The following TACC2 variants were observed in gnomAD, a reference collection of about 807,000 sequenced individuals.
The protein encoded by TACC2 is transforming acidic coiled-coil containing protein 2.
In TACC2, 137 loss-of-function variants were observed where a neutral mutation model predicts 227.3. The observed-to-expected ratio is 0.60, with a 90% CI of 0.52 to 0.69. The LOEUF (loss-of-function observed/expected upper bound fraction) is 0.69, where lower values mean the gene tolerates loss of function less well. Among genes scored for constraint, TACC2 ranks in the 30% least tolerant of loss-of-function variants. The pLI is 0.00. For missense variants in TACC2, 3,470 were observed against 3,694.4 expected, an observed-to-expected ratio of 0.94 and a Z score of 1.57; for synonymous variants, 1,523 against 1,487.5, an observed-to-expected ratio of 1.02 and a Z score of -0.55.
chr10:122,207,355 G>C (rs1009203929), intron 8 of TACC2, among the ~76,000 whole-genome samples: 1 of 152,072 alleles, frequency 6.6e-6, no homozygotes, highest in African/African-American at 2.4e-5. Context: ...TGGACCACAG[G>C]AGCCCTTCTA....
intron 9 of TACC2, 66 bp downstream of exon 9, chr10:122,211,774 C>A: frequency 7.1e-7 from 1 of 1,408,654 alleles, no homozygotes; most frequent in South Asian, 1.4e-5. Context: ...GACCCTTGGT[C>A]ATGTGCCTGG....
rs752721984 is a variant in TACC2 at position 122,121,511 on chromosome 10, AGGG to A, written c.5574-11095_5574-11093del. 2.0e-5 allele frequency among the ~76,000 whole-genome samples: 3 copies of A among 152,138 alleles called. No individual in the cohort carries two copies. In the East Asian group the frequency reaches 5.8e-4, roughly 29 times the overall value. Reference sequence around the variant, plus strand: ...ATCACCTGCCCTATCCTACCTCTCCAGGGGGAGGAGGAATGGCATTTTATTTCT... The same window carrying A: ...ATCACCTGCCCTATCCTACCTCTCCAGGAGGAGGAATGGCATTTTATTTCT... On this transcript the variant is annotated intron_variant, in intron 5 of 22. Transcript: ENST00000369005.
Position 122,086,854 on chromosome 10 carries a change from C to T in TACC2, c.4354C>T (p.Leu1452=), listed in dbSNP as rs1347443826. 1 of 1,613,890 alleles carries T rather than the reference C, an allele frequency of 6.2e-7. No individual in the cohort carries two copies. The highest frequency in any genetic ancestry group is 1.3e-5 in the African/African-American group (1 of 74,942). ...CAGGCCATTGGGCCCAGAGAAGCTTCTAGATGGGCCTCCAGGAGTGGATGT... is the reference window on the plus strand; with the variant it reads ...CAGGCCATTGGGCCCAGAGAAGCTTTTAGATGGGCCTCCAGGAGTGGATGT... The part of the protein sequence containing the change: ...LTRPLGPEKL[L]DGPPGVDVTL... The change falls in exon 4 of 23, where the codon CTA becomes TTA. Residue 1452 remains leucine (L), a synonymous_variant. Coordinates refer to ENST00000369005, the MANE Select transcript of TACC2 (RefSeq NM_206862.4).
At chr10:122,094,512 C>T (rs1405400215) in intron 5 of TACC2, among the ~76,000 whole-genome samples, 1 of 152,224 alleles carries the variant, frequency 6.6e-6, no homozygotes, top group South Asian at 2.1e-4. Context: ...CTCCCAGCCT[C>T]AAACAATCCT....
rs576331225 is a variant in TACC2 at position 122,041,689 on chromosome 10, C to T, written c.34-8749C>T. 4.4e-4 allele frequency among the ~76,000 whole-genome samples: 67 copies of T among 152,268 alleles called. 1 individual carries two copies. The South Asian group carries it at 0.014, about 32-fold the overall frequency. ...CTCGAACTCCTGAGTTCAGGTAACC[C>T]ACCCACCTTGGCCTCCCAAAGTGCT... On this transcript the variant is annotated intron_variant, in intron 2 of 22. Coordinates refer to ENST00000369005, the MANE Select transcript of TACC2 (RefSeq NM_206862.4).
Position 122,133,552 on chromosome 10 carries a change from C to T in TACC2, c.5699+818C>T, listed in dbSNP as rs1456997242. ...CTGTGTGTGTGTCTATGAATACACG[C>T]GTGCACACATTTTAATTTCTGTTTA... is the stretch of plus-strand genomic sequence containing the variant. On this transcript the variant is annotated intron_variant, in intron 6 of 22. Coordinates refer to ENST00000369005, the MANE Select transcript of TACC2 (RefSeq NM_206862.4). Among the ~76,000 whole-genome samples the T allele has an allele frequency of 9.2e-5, 14 of 152,118 alleles. 1 individual carries two copies. The highest frequency in any genetic ancestry group is 3.9e-4 in the East Asian group (2 of 5,172).
intron 5 of TACC2, among the ~76,000 whole-genome samples, chr10:122,098,039 T>G (rs2420991): frequency 0.15 from 23,505 of 151,732 alleles, 1,908 homozygotes; most frequent in Non-Finnish European, 0.16. Flanking sequence ...AATGGTTAGG[T>G]GGGTAGGTAG....
At chr10:122,129,723 C>G (rs188312793) in intron 5 of TACC2, among the ~76,000 whole-genome samples, 60 of 152,286 alleles carry the variant, frequency 3.9e-4, no homozygotes, top group Non-Finnish European at 7.1e-4. Context: ...CTGCCATCCT[C>G]CCTCTTCTGG....
At chr10:122,200,310 A>T (rs565249036) in intron 8 of TACC2, among the ~76,000 whole-genome samples, 1 of 152,200 alleles carries the variant, frequency 6.6e-6, no homozygotes, top group Non-Finnish European at 1.5e-5. Context: ...GACGATGGAG[A>T]GTTTGGGGCC....
chr10:122,057,695 C>T (rs1801097496), intron 3 of TACC2, among the ~76,000 whole-genome samples: 3 of 151,914 alleles, frequency 2.0e-5, no homozygotes. Flanking sequence ...TGGTGGGCAC[C>T]TGTAATCCCA....
chr10:122,108,081 T>TG (rs2083094914), intron 5 of TACC2, among the ~76,000 whole-genome samples: 1 of 150,948 alleles, frequency 6.6e-6, no homozygotes, highest in African/African-American at 2.4e-5. Flanking sequence ...TTAGTAGAGA[T>TG]GGGGTTTCAC....
At chr10:122,045,476 C>T (rs545521945) in intron 2 of TACC2, among the ~76,000 whole-genome samples, 2 of 152,184 alleles carry the variant, frequency 1.3e-5, no homozygotes, top group Non-Finnish European at 2.9e-5. Flanking sequence ...GCTATAACAT[C>T]GGGCTCTAAG....
At chr10:122,249,222 G>A (rs1201454287) in intron 21 of TACC2, 66 bp downstream of exon 21, 5 of 1,237,948 alleles carry the variant, frequency 4.0e-6, no homozygotes, top group Non-Finnish European at 5.8e-6. Context: ...CAGGCAGGCT[G>A]GGACCTCTGG....
intron 3 of TACC2, among the ~76,000 whole-genome samples, chr10:122,074,781 A>G (rs2078577934): frequency 6.6e-6 from 1 of 152,204 alleles, no homozygotes; most frequent in Admixed American, 6.5e-5. Context: ...GCAGAAGCTT[A>G]TCTGTGTCAC....
intron 3 of TACC2, among the ~76,000 whole-genome samples, chr10:122,057,531 G>A (rs921954488): frequency 7.2e-5 from 11 of 152,024 alleles, no homozygotes; most frequent in Non-Finnish European, 1.0e-4. Flanking sequence ...GGCCGGGCAC[G>A]GTGGCTCACG....
intron 1 of TACC2, among the ~76,000 whole-genome samples, chr10:122,021,534 A>G (rs763956914): frequency 6.6e-6 from 1 of 152,234 alleles, no homozygotes; most frequent in Non-Finnish European, 1.5e-5. Flanking sequence ...GTGGGAAACC[A>G]GCCACACTCT....
In TACC2 at chr10:122,084,505, G is replaced by A. The variant is rs867958572; in HGVS notation, c.2005G>A (p.Val669Ile). The change falls in exon 4 of 23, where the codon GTC becomes ATC. Residue 669 changes from valine (V) to isoleucine (I), a missense_variant. Val to Ile is a conservative substitution (Grantham distance 29). Coordinates refer to ENST00000369005, the MANE Select transcript of TACC2 (RefSeq NM_206862.4). ...LPHKLGEEDP[V>I]LPPVPDGAGE... ...ACACAAGCTGGGTGAGGAGGACCCC[G>A]TCCTGCCCCCTGTGCCAGATGGAGC... 4.3e-6 allele frequency: 7 copies of A among 1,613,456 alleles called. 1 individual carries two copies. Among genetic ancestry groups the A allele is most frequent in the South Asian group, 3.3e-5 (3 of 91,070 alleles).
chr10:122,046,067 C>T lies in TACC2; in HGVS notation c.34-4371C>T, dbSNP rs556427551. Among the ~76,000 whole-genome samples, 13 of 152,010 alleles carry T rather than the reference C, an allele frequency of 8.6e-5. No homozygotes were observed. The East Asian group carries it at 1.4e-3, about 16-fold the overall frequency. On this transcript the variant is annotated intron_variant, in intron 2 of 22. Transcript: ENST00000369005. ...GTGCATGCCTGTAGTCCCAGCTGTT[C>T]GGGAGGCTGAGGCAGGAGAATTGCT... is the stretch of plus-strand genomic sequence containing the variant.
At chr10:122,130,900 C>T (rs2087932941) in intron 5 of TACC2, among the ~76,000 whole-genome samples, 1 of 152,168 alleles carries the variant, frequency 6.6e-6, no homozygotes, top group South Asian at 2.1e-4. Flanking sequence ...CTCACCACAC[C>T]ACAGAGTTTT....
Sources: gnomAD v4.1 joint callset for allele counts (sites outside exome capture counted in the v4.1 genomes callset) on GRCh38, gnomAD v4.1.1 for gene constraint, MANE v1.5 for transcripts, NCBI Gene and HGNC (gene_info 2026-07-23, HGNC 2026-07-21) for gene names.